THSD7B: variants seen among roughly 807,000 people sequenced by gnomAD.
THSD7B encodes thrombospondin type-1 domain-containing protein 7B.
A neutral mutation model predicts 213.6 loss-of-function variants in THSD7B; 138 were observed. That is an observed-to-expected ratio of 0.65 (90% CI 0.56 to 0.74). The LOEUF (loss-of-function observed/expected upper bound fraction) is 0.74. Ranked by LOEUF, THSD7B falls within the 30% of genes least tolerant of loss-of-function variation. The probability of loss-of-function intolerance (pLI) is 0.00; values close to 1 mark genes in which losing one functional copy is unlikely to be tolerated. For synonymous variants in THSD7B, 742 were observed against 687.0 expected (o/e 1.08, Z -1.25); for missense variants, 1,931 against 1,991.5 (o/e 0.97, Z 0.58).
At chr2:137,183,283 A>G (rs1680489419) in intron 7 of THSD7B, among the ~76,000 whole-genome samples, 2 of 152,180 alleles carry the variant, frequency 1.3e-5, no homozygotes, top group Non-Finnish European at 2.9e-5. Flanking sequence ...AACATCTCAC[A>G]TAACCATAGT....
intron 2 of THSD7B, among the ~76,000 whole-genome samples, chr2:136,983,438 C>A (rs1255987275): frequency 6.8e-6 from 1 of 147,620 alleles, no homozygotes; most frequent in Non-Finnish European, 1.5e-5. Flanking sequence ...TTAGAACTCC[C>A]TTTGGAGGTC....
intron 12 of THSD7B, among the ~76,000 whole-genome samples, chr2:137,372,323 CTTTTTTTTTTTTTTT>C (rs55635315): frequency 2.6e-4 from 15 of 57,514 alleles, no homozygotes; most frequent in Non-Finnish European, 4.4e-4. Context: ...TGATAATACT[CTTTTTTTTTTTTTTT>C]TTTTTTTTTT....
At chr2:137,365,877 C>G (rs1240273024) in intron 12 of THSD7B, among the ~76,000 whole-genome samples, 2 of 152,148 alleles carry the variant, frequency 1.3e-5, no homozygotes, top group Middle Eastern at 3.2e-3. Context: ...TTGACCCAGC[C>G]ATCCCATTAC....
intron 12 of THSD7B, among the ~76,000 whole-genome samples, chr2:137,282,340 C>A (rs1429445190): frequency 2.0e-5 from 3 of 152,088 alleles, no homozygotes; most frequent in Non-Finnish European, 4.4e-5. Context: ...AAAGTTTTCT[C>A]CCGTTCTGTA....
At chr2:137,083,420 C>T (rs1000629317) in intron 3 of THSD7B, among the ~76,000 whole-genome samples, 16 of 152,066 alleles carry the variant, frequency 1.1e-4, no homozygotes, top group African/African-American at 3.6e-4. Flanking sequence ...AACTCTTATT[C>T]AAATACCTTT....
intron 3 of THSD7B, among the ~76,000 whole-genome samples, chr2:137,064,958 TTTG>T (rs923166715): frequency 3.3e-5 from 5 of 151,784 alleles, no homozygotes; most frequent in East Asian, 1.9e-4. Context: ...CAGTTTTTTT[TTTG>T]TTGTTGTTGT....
intron 1 of THSD7B, among the ~76,000 whole-genome samples, chr2:136,826,537 CTCTT>C (rs1682648891): frequency 1.3e-5 from 2 of 152,206 alleles, no homozygotes; most frequent in Admixed American, 1.3e-4. Flanking sequence ...CGGCTTCAGG[CTCTT>C]TCTTCTCTCT....
At chr2:137,433,874 T>C (rs1187297195) in intron 14 of THSD7B, among the ~76,000 whole-genome samples, 1 of 152,236 alleles carries the variant, frequency 6.6e-6, no homozygotes, top group Non-Finnish European at 1.5e-5. Context: ...TCTGAGTATA[T>C]ATGTTCAGCT....
intron 15 of THSD7B, among the ~76,000 whole-genome samples, chr2:137,547,943 CT>C (rs1270031300): frequency 1.3e-5 from 2 of 151,900 alleles, no homozygotes; most frequent in African/African-American, 4.8e-5. Flanking sequence ...GGATGTGATC[CT>C]GGAATTCAGG....
Position 136,998,909 on chromosome 2 carries a change from G to GACACACACACACAC in THSD7B, c.140-57474_140-57461dup, listed in dbSNP as rs57138045. Reference sequence around the variant, plus strand: ...TTTCATGCTCCTTGAATACCCAACAGACACACACACACACACACACACACA... The same window carrying GACACACACACACAC: ...TTTCATGCTCCTTGAATACCCAACAGACACACACACACACACACACACACACACACACACACACA... On this transcript the variant is annotated intron_variant, in intron 2 of 27. Transcript: ENST00000409968. 1.7e-3 allele frequency among the ~76,000 whole-genome samples: 221 copies of GACACACACACACAC among 129,976 alleles called. 1 individual carries two copies. Among genetic ancestry groups the GACACACACACACAC allele is most frequent in the East Asian group, 0.016 (48 of 3,076 alleles). The allele number at this position is 129,976 out of a possible 152,430, so 85.3% of individuals were successfully genotyped here.
At chr2:137,115,421 C>T (rs955463360) in intron 5 of THSD7B, 128 bp downstream of exon 5, 20 of 1,077,532 alleles carry the variant, frequency 1.9e-5, no homozygotes, top group Admixed American at 3.5e-5. Context: ...TTTTGTTGAC[C>T]ATTTGTATGC....
intron 3 of THSD7B, among the ~76,000 whole-genome samples, chr2:137,082,152 C>A (rs769893561): frequency 8.5e-5 from 13 of 152,136 alleles, no homozygotes; most frequent in Admixed American, 2.0e-4. Flanking sequence ...ATGATTTTGT[C>A]TGTGTTTCAT....
chr2:137,616,212 A>C lies in THSD7B; in HGVS notation c.3461A>C (p.His1154Pro). 1 of 1,613,844 alleles carries C rather than the reference A, an allele frequency of 6.2e-7. No individual in the cohort carries two copies. Among genetic ancestry groups the C allele is most frequent in the Non-Finnish European group, 8.5e-7 (1 of 1,179,774 alleles). The change falls in exon 18 of 28, where the codon CAC becomes CCC. Residue 1154 changes from histidine (H) to proline (P), a missense_variant. Coordinates refer to ENST00000409968, the MANE Select transcript of THSD7B (RefSeq NM_001316349.2). The stretch of plus-strand genomic sequence containing the variant: ...CACACAATGCAGAGAAGAACTCGCC[A>C]CCTGCTAAGACCATCACTGAACTCA... ...DPHTMQRRTR[H>P]LLRPSLNSRT... is the part of the protein sequence containing the mutation.
intron 15 of THSD7B, among the ~76,000 whole-genome samples, chr2:137,477,702 C>A (rs1290777731): frequency 6.6e-6 from 1 of 151,984 alleles, no homozygotes; most frequent in Non-Finnish European, 1.5e-5. Flanking sequence ...ACACAATACA[C>A]AAATTGTACA....
At chr2:137,565,011 T>G (rs771332004) in intron 16 of THSD7B, among the ~76,000 whole-genome samples, 14 of 152,090 alleles carry the variant, frequency 9.2e-5, no homozygotes, top group African/African-American at 2.4e-5. Flanking sequence ...CCATTCTAAC[T>G]GGTGGCCTTA....
intron 10 of THSD7B, among the ~76,000 whole-genome samples, chr2:137,271,457 TATATA>T (rs1358047955): frequency 6.3e-5 from 9 of 142,684 alleles, no homozygotes; most frequent in South Asian, 2.2e-4. Context: ...TATAATATAA[TATATA>T]ATATAATATA....
At chr2:137,353,164 T>C (rs1376742612) in intron 12 of THSD7B, among the ~76,000 whole-genome samples, 1 of 152,054 alleles carries the variant, frequency 6.6e-6, no homozygotes, top group Non-Finnish European at 1.5e-5. Context: ...AGGGAGGCAG[T>C]GTTAGAAAAA....
At chr2:137,028,809 G>A (rs998412127) in intron 2 of THSD7B, among the ~76,000 whole-genome samples, 1 of 152,166 alleles carries the variant, frequency 6.6e-6, no homozygotes, top group Non-Finnish European at 1.5e-5. Flanking sequence ...GTAGGAACTA[G>A]TCAGGTAAAT....
chr2:136,943,901 A>C (rs566412458), intron 2 of THSD7B, among the ~76,000 whole-genome samples: 40 of 152,104 alleles, frequency 2.6e-4, no homozygotes, highest in Admixed American at 5.9e-4. Flanking sequence ...CTCTGATGTT[A>C]GTTATTTCTT....
Sources: allele counts gnomAD v4.1 joint callset (sites outside exome capture counted in the v4.1 genomes callset), GRCh38; gene constraint gnomAD v4.1.1; transcripts MANE v1.5; gene names NCBI Gene and HGNC (gene_info 2026-07-23, HGNC 2026-07-21).